RIMS2: variants seen among roughly 807,000 people sequenced by gnomAD.
RIMS2 encodes the protein regulating synaptic membrane exocytosis 2, also known as regulating synaptic membrane exocytosis protein 2.
Under a neutral mutation model 174.4 loss-of-function variants are expected in RIMS2, and 59 were observed. That is an observed-to-expected ratio of 0.34 (90% CI 0.27 to 0.42). The LOEUF is 0.42. Among genes scored for constraint, RIMS2 ranks in the 10% least tolerant of loss-of-function variants. The probability of loss-of-function intolerance (pLI) is 1.00; values close to 1 mark genes in which losing one functional copy is unlikely to be tolerated. For missense variants in RIMS2, 1,620 were observed against 1,666.3 expected (o/e 0.97, Z 0.48); for synonymous variants, 606 against 572.5 (o/e 1.06, Z -0.84).
At chr8:103,997,156 G>A (rs1448737407) in intron 17 of RIMS2, among the ~76,000 whole-genome samples, 1 of 151,772 alleles carries the variant, frequency 6.6e-6, no homozygotes. Flanking sequence ...TTGTAGATAT[G>A]TATTTTAAGA....
intron 1 of RIMS2, among the ~76,000 whole-genome samples, chr8:103,523,986 A>C (rs1832850526): frequency 1.3e-5 from 2 of 152,174 alleles, no homozygotes; most frequent in African/African-American, 4.8e-5. Flanking sequence ...TTTGCTACCC[A>C]AAAAATGAAT....
chr8:103,538,300 A>T (rs1224924598), intron 1 of RIMS2, among the ~76,000 whole-genome samples: 1 of 152,008 alleles, frequency 6.6e-6, no homozygotes, highest in Admixed American at 6.6e-5. Flanking sequence ...ATTATAACAG[A>T]TTTCCTTATA....
In RIMS2 at chr8:103,580,825, C is replaced by CTTTTTTT. The variant is rs61559970; in HGVS notation, c.176+79779_176+79785dup. Among the ~76,000 whole-genome samples the CTTTTTTT allele has an allele frequency of 2.8e-4, 32 of 113,462 alleles. 1 individual carries two copies. The highest frequency in any genetic ancestry group is 3.9e-4 in the Non-Finnish European group (23 of 58,990). 74.4% of individuals were successfully genotyped at this position (113,462 alleles called of 152,430 possible). A position where few individuals can be genotyped will look rare whatever the true frequency, so the allele number is the denominator to read the frequency against. ...AAAGAAACTGAAGAGAAAGGGAATA[C>CTTTTTTT]TTTTTTTTTTTTTTTTTTTTTTGAG... On this transcript the variant is annotated intron_variant, in intron 1 of 23. Coordinates refer to ENST00000504942, the Ensembl canonical transcript of RIMS2.
At chr8:103,602,008 A>T (rs952306682) in intron 1 of RIMS2, among the ~76,000 whole-genome samples, 7 of 151,258 alleles carry the variant, frequency 4.6e-5, no homozygotes, top group African/African-American at 1.7e-4. Context: ...ATGGTGTCTC[A>T]CTCTTATTGC....
intron 1 of RIMS2, among the ~76,000 whole-genome samples, chr8:103,633,215 T>C (rs1454511776): frequency 5.9e-5 from 9 of 151,354 alleles, no homozygotes; most frequent in African/African-American, 2.2e-4. Flanking sequence ...TTTTGTATTT[T>C]TTTGTATTTT....
At chr8:104,038,608 G>A (rs1046833275) in intron 19 of RIMS2, among the ~76,000 whole-genome samples, 9 of 151,944 alleles carry the variant, frequency 5.9e-5, no homozygotes, top group African/African-American at 2.2e-4. Flanking sequence ...GATACTCTTA[G>A]CTTCTTCCAA....
chr8:103,793,265 G>A (rs1440367355), intron 3 of RIMS2, among the ~76,000 whole-genome samples: 1 of 152,186 alleles, frequency 6.6e-6, no homozygotes, highest in East Asian at 1.9e-4. Flanking sequence ...TGGGATGGAA[G>A]GCTGGTTCAA....
chr8:103,731,085 G>T (rs2097586270), intron 2 of RIMS2, among the ~76,000 whole-genome samples: 1 of 152,104 alleles, frequency 6.6e-6, no homozygotes, highest in African/African-American at 2.4e-5. Flanking sequence ...TCACTATCAT[G>T]AGGTCAGCAT....
chr8:103,791,188 A>G (rs181227973), intron 3 of RIMS2, among the ~76,000 whole-genome samples: 1 of 152,194 alleles, frequency 6.6e-6, no homozygotes, highest in African/African-American at 2.4e-5. Context: ...CGGGTTACCC[A>G]CAAAGGGAGG....
chr8:104,042,149 G>A (rs2096619943), intron 19 of RIMS2, among the ~76,000 whole-genome samples: 1 of 151,320 alleles, frequency 6.6e-6, no homozygotes, highest in South Asian at 2.1e-4. Context: ...AGAAAAGGTG[G>A]TATGATTCCT....
chr8:103,784,168 GC>G (rs1177419936), intron 3 of RIMS2, among the ~76,000 whole-genome samples: 1 of 148,556 alleles, frequency 6.7e-6, no homozygotes, highest in Non-Finnish European at 1.5e-5. Context: ...CTGGATATTA[GC>G]CCTTTGTCAG....
intron 19 of RIMS2, among the ~76,000 whole-genome samples, chr8:104,034,084 A>T (rs1255270999): frequency 6.6e-6 from 1 of 152,240 alleles, no homozygotes; most frequent in Non-Finnish European, 1.5e-5. Flanking sequence ...AACTTGTGGC[A>T]TCAGAAAAAC....
intron 19 of RIMS2, among the ~76,000 whole-genome samples, chr8:104,039,961 A>T (rs1212260950): frequency 6.6e-6 from 1 of 151,638 alleles, no homozygotes; most frequent in Non-Finnish European, 1.5e-5. Context: ...TCATATAATA[A>T]TAAAAATGAT....
intron 1 of RIMS2, among the ~76,000 whole-genome samples, chr8:103,680,813 TAAA>T (rs1156578427): frequency 6.6e-6 from 1 of 151,886 alleles, no homozygotes; most frequent in East Asian, 1.9e-4. Context: ...AGCAAAAATT[TAAA>T]AAGTTGAGTA....
intron 19 of RIMS2, among the ~76,000 whole-genome samples, chr8:104,027,845 G>A (rs1368342033): frequency 6.6e-6 from 1 of 152,130 alleles, no homozygotes; most frequent in Admixed American, 6.6e-5. Flanking sequence ...GGTCCCATCT[G>A]TGTTTTGTAG....
At chr8:103,842,720 T>C (rs1289752038) in intron 3 of RIMS2, among the ~76,000 whole-genome samples, 1 of 152,226 alleles carries the variant, frequency 6.6e-6, no homozygotes, top group African/African-American at 2.4e-5. Context: ...TGTAATTTCA[T>C]TGGTTGTTAT....
chr8:104,192,205 T>C (rs1450974197), intron 19 of RIMS2, among the ~76,000 whole-genome samples: 1 of 152,134 alleles, frequency 6.6e-6, no homozygotes, highest in Non-Finnish European at 1.5e-5. Context: ...ATTGAAAGAA[T>C]AGGGCCATTT....
intron 19 of RIMS2, among the ~76,000 whole-genome samples, chr8:104,170,250 GT>G (rs2098824334): frequency 6.6e-6 from 1 of 152,104 alleles, no homozygotes; most frequent in South Asian, 2.1e-4. Flanking sequence ...GATCTGTCTA[GT>G]GCTGTCACTG....
chr8:103,839,299 G>A (rs1216694139), intron 3 of RIMS2, among the ~76,000 whole-genome samples: 4 of 152,138 alleles, frequency 2.6e-5, no homozygotes, highest in Non-Finnish European at 4.4e-5. Context: ...GTCTTGCAGG[G>A]TAAACACCTA....
Sources: gnomAD v4.1 joint callset for allele counts (sites outside exome capture counted in the v4.1 genomes callset) on GRCh38, gnomAD v4.1.1 for gene constraint, MANE v1.5 for transcripts, NCBI Gene and HGNC (gene_info 2026-07-23, HGNC 2026-07-21) for gene names.